The following IGF2BP3 variants were observed in gnomAD, a reference collection of about 807,000 sequenced individuals.
IGF2BP3 encodes the protein insulin like growth factor 2 mRNA binding protein 3.
Under a neutral mutation model 73.8 loss-of-function variants are expected in IGF2BP3, and 9 were observed. The observed-to-expected ratio is 0.12, with a 90% CI of 0.07 to 0.21. The LOEUF is 0.21. Among genes scored for constraint, IGF2BP3 ranks in the 10% least tolerant of loss-of-function variants. IGF2BP3 has a pLI of 1.00. For synonymous variants in IGF2BP3, 258 were observed against 256.7 expected (o/e 1.01, Z -0.05); for missense variants, 542 against 714.0 (o/e 0.76, Z 2.75).
At chr7:23,435,124 C>G (rs1015820332) in intron 2 of IGF2BP3, among the ~76,000 whole-genome samples, 7 of 151,612 alleles carry the variant, frequency 4.6e-5, no homozygotes, top group Non-Finnish European at 8.8e-5. Flanking sequence ...GAAACCCCAT[C>G]TCTACTAAAA....
At chr7:23,315,578 C>T (rs563804656) in intron 12 of IGF2BP3, among the ~76,000 whole-genome samples, 14 of 152,274 alleles carry the variant, frequency 9.2e-5, no homozygotes, top group African/African-American at 2.6e-4. Context: ...GTACCCAACA[C>T]GCGTTCACTG....
intron 2 of IGF2BP3, among the ~76,000 whole-genome samples, chr7:23,454,468 T>C (rs1014745977): frequency 3.9e-5 from 6 of 152,116 alleles, no homozygotes; most frequent in Non-Finnish European, 7.4e-5. Flanking sequence ...CATCCCCCAT[T>C]TTCCACTACC....
chr7:23,440,193 G>A (rs761053231), intron 2 of IGF2BP3, among the ~76,000 whole-genome samples: 3 of 152,048 alleles, frequency 2.0e-5, no homozygotes, highest in Admixed American at 6.6e-5. Context: ...AACCCAGGAG[G>A]CAGAGGTTGC....
At chr7:23,468,592 C>T (rs368737742) in intron 1 of IGF2BP3, 50 bp from the exon 2 acceptor site, 65 of 1,582,078 alleles carry the variant, frequency 4.1e-5, no homozygotes, top group South Asian at 1.9e-4. Flanking sequence ...GCGGCTCTCC[C>T]TGCCCGAAGA....
intron 2 of IGF2BP3, among the ~76,000 whole-genome samples, chr7:23,436,285 A>G (rs1207605011): frequency 6.6e-6 from 1 of 152,186 alleles, no homozygotes; most frequent in African/African-American, 2.4e-5. Flanking sequence ...ATGCTTTTTA[A>G]AAGTCTGTCT....
intron 3 of IGF2BP3, among the ~76,000 whole-genome samples, chr7:23,390,767 C>T (rs1333686144): frequency 2.0e-5 from 3 of 151,368 alleles, no homozygotes; most frequent in Admixed American, 6.6e-5. Context: ...AAAAACTTTA[C>T]AGCTGTTTTT....
intron 10 of IGF2BP3, among the ~76,000 whole-genome samples, chr7:23,323,530 G>T (rs1784214958): frequency 6.8e-6 from 1 of 146,858 alleles, no homozygotes; most frequent in African/African-American, 2.6e-5. Context: ...AAGTCAACAA[G>T]GATACCCAGG....
intron 10 of IGF2BP3, among the ~76,000 whole-genome samples, chr7:23,328,303 G>A (rs1381386185): frequency 6.6e-6 from 1 of 152,098 alleles, no homozygotes; most frequent in Non-Finnish European, 1.5e-5. Context: ...CCACCTCCTG[G>A]GTTCAAGCGA....
intron 5 of IGF2BP3, among the ~76,000 whole-genome samples, chr7:23,357,513 ATTTC>A (rs1332833934): frequency 3.9e-5 from 6 of 152,162 alleles, no homozygotes; most frequent in African/African-American, 1.4e-4. Flanking sequence ...CTAGGGGGTT[ATTTC>A]TTTGTCACAC....
intron 3 of IGF2BP3, among the ~76,000 whole-genome samples, chr7:23,370,140 C>T (rs973003098): frequency 2.0e-5 from 3 of 152,158 alleles, no homozygotes; most frequent in Admixed American, 6.5e-5. Flanking sequence ...GCTCTAGTCA[C>T]GCCCTCAAAA....
chr7:23,385,476 T>C (rs904817780), intron 3 of IGF2BP3, among the ~76,000 whole-genome samples: 5 of 152,104 alleles, frequency 3.3e-5, no homozygotes, highest in South Asian at 2.1e-4. Context: ...AAATTTAAGG[T>C]TGAGATCACT....
chr7:23,388,158 C>G (rs922602462), intron 3 of IGF2BP3, among the ~76,000 whole-genome samples: 1 of 152,010 alleles, frequency 6.6e-6, no homozygotes, highest in Non-Finnish European at 1.5e-5. Flanking sequence ...AGGATGGTCT[C>G]AATCTCCTGA....
intron 3 of IGF2BP3, among the ~76,000 whole-genome samples, chr7:23,369,937 G>C (rs916152031): frequency 6.6e-6 from 1 of 152,110 alleles, no homozygotes; most frequent in Non-Finnish European, 1.5e-5. Context: ...TGGGCTATCT[G>C]AACCAAGTCT....
chr7:23,383,218 C>T (rs1334889977), intron 3 of IGF2BP3, among the ~76,000 whole-genome samples: 1 of 152,050 alleles, frequency 6.6e-6, no homozygotes, highest in Non-Finnish European at 1.5e-5. Context: ...GACACGTAGG[C>T]TGATGGATTT....
intron 2 of IGF2BP3, among the ~76,000 whole-genome samples, chr7:23,432,395 G>A (rs971237419): frequency 5.9e-5 from 9 of 152,118 alleles, no homozygotes; most frequent in African/African-American, 1.9e-4. Flanking sequence ...GTGCAAGTTA[G>A]GAAAACCTAA....
chr7:23,395,818 CG>C (rs1290863381), intron 3 of IGF2BP3, among the ~76,000 whole-genome samples: 2 of 151,474 alleles, frequency 1.3e-5, no homozygotes, highest in African/African-American at 4.9e-5. Context: ...CCCAGCTACT[CG>C]GGAGGCTGAG....
intron 3 of IGF2BP3, among the ~76,000 whole-genome samples, chr7:23,375,102 T>G (rs778637372): frequency 1.3e-5 from 2 of 152,260 alleles, no homozygotes; most frequent in Non-Finnish European, 2.9e-5. Flanking sequence ...TGTCAAATAC[T>G]GTTTTAAACA....
intron 3 of IGF2BP3, chr7:23,362,396 C>T (rs1217606790): frequency 6.6e-6 from 1 of 152,224 alleles, no homozygotes; most frequent in African/African-American, 2.4e-5. Flanking sequence ...CAGCACAGTG[C>T]ATACTCTACC....
chr7:23,355,143 T>C (rs1469984895), intron 5 of IGF2BP3, among the ~76,000 whole-genome samples: 1 of 152,020 alleles, frequency 6.6e-6, no homozygotes, highest in African/African-American at 2.4e-5. Context: ...ATTTGACACA[T>C]ATGTATTCAG....
Sources: allele counts gnomAD v4.1 joint callset (sites outside exome capture counted in the v4.1 genomes callset), GRCh38; gene constraint gnomAD v4.1.1; transcripts MANE v1.5; gene names NCBI Gene and HGNC (gene_info 2026-07-23, HGNC 2026-07-21).